DIAPH2: variants seen among roughly 807,000 people sequenced by gnomAD.
The protein encoded by DIAPH2 is diaphanous related formin 2.
Under a neutral mutation model 92.7 loss-of-function variants are expected in DIAPH2, and 35 were observed. The ratio of observed to expected loss-of-function variants is 0.38; its 90% CI spans 0.29 to 0.50. The LOEUF is 0.50. Ranked by LOEUF, DIAPH2 falls within the 20% of genes least tolerant of loss-of-function variation. The pLI, the probability that DIAPH2 is intolerant of heterozygous loss-of-function variation, is 0.94. For synonymous variants in DIAPH2, 301 were observed against 280.4 expected (o/e 1.07, Z -0.73); for missense variants, 701 against 819.5 (o/e 0.86, Z 1.77).
intron 23 of DIAPH2, among the ~76,000 whole-genome samples, chrX:97,331,973 T>C (rs914867730): frequency 1.4e-4 from 16 of 111,564 alleles, no homozygotes; most frequent in Non-Finnish European, 2.1e-4. Context: ...ATGTCTGTCA[T>C]TGAGATAGTT....
intron 24 of DIAPH2, among the ~76,000 whole-genome samples, chrX:97,372,977 CA>C (rs1014296213): frequency 8.4e-4 from 78 of 92,343 alleles, no homozygotes; most frequent in African/African-American, 6.3e-4. Context: ...AACTCCGTCT[CA>C]AAAAAAAAAA....
intron 20 of DIAPH2, among the ~76,000 whole-genome samples, chrX:97,105,317 A>G (rs1569302295): frequency 9.0e-6 from 1 of 111,054 alleles, no homozygotes. Context: ...AAAGAGAAAA[A>G]AAAAGAAATA....
At chrX:97,070,121 CATT>C (rs1407749947) in intron 17 of DIAPH2, among the ~76,000 whole-genome samples, 7 of 110,913 alleles carry the variant, frequency 6.3e-5, no homozygotes, top group Non-Finnish European at 1.3e-4. Flanking sequence ...TATAATGTTT[CATT>C]ATTATTCTAT....
At chrX:97,112,150 T>A (rs944777131) in intron 20 of DIAPH2, among the ~76,000 whole-genome samples, 1 of 111,589 alleles carries the variant, frequency 9.0e-6, no homozygotes, top group African/African-American at 3.3e-5. Context: ...GATAAGAATA[T>A]GATTGCAGGC....
At chrX:97,156,780 A>G (rs1291843405) in intron 22 of DIAPH2, among the ~76,000 whole-genome samples, 3 of 111,937 alleles carry the variant, frequency 2.7e-5, no homozygotes, top group Non-Finnish European at 3.8e-5. Flanking sequence ...AATTACCTAT[A>G]TCTTTTTTTT....
intron 1 of DIAPH2, among the ~76,000 whole-genome samples, chrX:96,694,738 T>C (rs1358407784): frequency 8.9e-6 from 1 of 111,829 alleles, no homozygotes; most frequent in Non-Finnish European, 1.9e-5. Flanking sequence ...TAAAACAAAT[T>C]TGGCAGAAGC....
intron 5 of DIAPH2, among the ~76,000 whole-genome samples, chrX:96,908,363 A>G (rs829293): frequency 0.49 from 53,857 of 109,178 alleles, 10,377 homozygotes; most frequent in South Asian, 0.69. Context: ...TGCCTGTTCT[A>G]TGTCCCTCAT....
At chrX:97,057,565 C>T (rs181457837) in intron 17 of DIAPH2, among the ~76,000 whole-genome samples, 2 of 111,928 alleles carry the variant, frequency 1.8e-5, no homozygotes, top group African/African-American at 3.2e-5. Flanking sequence ...TGTCAGATTT[C>T]ACATACTCAT....
chrX:96,833,660 T>C (rs2064869855), intron 4 of DIAPH2, among the ~76,000 whole-genome samples: 1 of 110,813 alleles, frequency 9.0e-6, no homozygotes, highest in South Asian at 3.8e-4. Context: ...GGGGTTTATT[T>C]TATTTTATTT....
At chrX:96,968,015 C>G (rs1358205868) in intron 17 of DIAPH2, among the ~76,000 whole-genome samples, 1 of 109,836 alleles carries the variant, frequency 9.1e-6, no homozygotes, top group African/African-American at 3.3e-5. Context: ...TTCTTACCAA[C>G]AGTATATAAG....
chrX:97,490,312 A>T (rs1409678141), intron 26 of DIAPH2, among the ~76,000 whole-genome samples: 10 of 84,888 alleles, frequency 1.2e-4, no homozygotes, highest in African/African-American at 2.6e-4. Context: ...TAGTATAAGG[A>T]TTTTTCCATT....
At chrX:97,291,391 C>G (rs189930448) in intron 23 of DIAPH2, among the ~76,000 whole-genome samples, 1 of 111,195 alleles carries the variant, frequency 9.0e-6, no homozygotes, top group Admixed American at 9.6e-5. Context: ...AGAGCAAAAA[C>G]TCTGTCTCAA....
At chrX:97,421,874 A>G (rs1481568067) in intron 25 of DIAPH2, among the ~76,000 whole-genome samples, 3 of 110,925 alleles carry the variant, frequency 2.7e-5, no homozygotes, top group Non-Finnish European at 3.8e-5. Flanking sequence ...TACCTATCCA[A>G]CTGTAACTCC....
intron 24 of DIAPH2, among the ~76,000 whole-genome samples, chrX:97,379,871 G>A (rs990320819): frequency 1.8e-5 from 2 of 111,619 alleles, no homozygotes; most frequent in Admixed American, 1.9e-4. Flanking sequence ...CCTGAATGAG[G>A]CTGGCATCTG....
chrX:97,098,380 G>A (rs2066883240), intron 19 of DIAPH2, among the ~76,000 whole-genome samples: 1 of 111,379 alleles, frequency 9.0e-6, no homozygotes, highest in Non-Finnish European at 1.9e-5. Context: ...CCAGCTTCCG[G>A]TAACCTCAAT....
chrX:97,308,614 C>CTTTTTTT (rs34812351), intron 23 of DIAPH2, among the ~76,000 whole-genome samples: 1 of 40,919 alleles, frequency 2.4e-5, no homozygotes, highest in Non-Finnish European at 4.6e-5. Context: ...GAAACCCCAT[C>CTTTTTTT]TTTTTTTTTT....
intron 22 of DIAPH2, among the ~76,000 whole-genome samples, chrX:97,193,499 T>C (rs1230273943): frequency 8.9e-6 from 1 of 111,902 alleles, no homozygotes; most frequent in African/African-American, 3.2e-5. Context: ...GAATTAAAGG[T>C]ACATTTGTCT....
chrX:96,688,929 C>T (rs1200543223), intron 1 of DIAPH2, among the ~76,000 whole-genome samples: 3 of 107,154 alleles, frequency 2.8e-5, no homozygotes, highest in African/African-American at 1.0e-4. Flanking sequence ...ACAGCCTTGG[C>T]GACAGAGAAC....
At chrX:97,264,006 C>T (rs1051687923) in intron 23 of DIAPH2, among the ~76,000 whole-genome samples, 7 of 108,544 alleles carry the variant, frequency 6.4e-5, no homozygotes, top group Non-Finnish European at 1.3e-4. Flanking sequence ...ACTGCAGCCT[C>T]GACCTCCTGG....
Sources: allele counts gnomAD v4.1 joint callset (sites outside exome capture counted in the v4.1 genomes callset), GRCh38; gene constraint gnomAD v4.1.1; transcripts MANE v1.5; gene names NCBI Gene and HGNC (gene_info 2026-07-23, HGNC 2026-07-21).